The following ULK1 variants were observed in gnomAD, a reference collection of about 807,000 sequenced individuals.
ULK1 encodes the protein unc-51 like autophagy activating kinase 1, also known as serine/threonine-protein kinase ULK1.
ULK1 carries 48 observed loss-of-function variants against 117.5 expected under a neutral mutation model. The ratio of observed to expected loss-of-function variants is 0.41; its 90% confidence interval spans 0.32 to 0.52. The LOEUF (loss-of-function observed/expected upper bound fraction) is 0.52, where lower values mean the gene tolerates loss of function less well. ULK1 is among the 20% of genes least tolerant of loss of function. ULK1 has a pLI of 0.29. For synonymous variants in ULK1, 790 were observed against 637.8 expected (o/e 1.24, Z -3.60); for missense variants, 1,387 against 1,473.4 (o/e 0.94, Z 0.96).
chr12:131,911,220 C>T (rs1889520202), intron 12 of ULK1, among the ~76,000 whole-genome samples: 1 of 152,184 alleles, frequency 6.6e-6, no homozygotes. Flanking sequence ...GCACCTGAGT[C>T]GGCCATGAAC....
intron 18 of ULK1, 43 bp downstream of exon 18, chr12:131,915,464 C>G: frequency 6.3e-7 from 1 of 1,596,908 alleles, no homozygotes; most frequent in Non-Finnish European, 8.5e-7. Context: ...AGGCTGACCT[C>G]CCTCGCTCAC....
Position 131,917,561 on chromosome 12 carries a change from G to C in ULK1, c.2326+7G>C. On this transcript the variant is annotated splice_region_variant and intron_variant, in intron 22 of 27. Transcript: ENST00000321867. ...CGCACCAGGATGTTCTCAGGTGAGG[G>C]CTGGCTAGGCTGAAGCCCTGTCCCT... The C allele has an allele frequency of 7.1e-7, 1 of 1,412,296 alleles. No individual in the cohort carries two copies. 87.5% of individuals were successfully genotyped at this position (1,412,296 alleles called of 1,614,324 possible).
chr12:131,911,915 C>T, intron 12 of ULK1, 27 bp from the exon 13 acceptor site: 1 of 1,612,768 alleles, frequency 6.2e-7, no homozygotes, highest in Non-Finnish European at 8.5e-7. Flanking sequence ...CTGAGACCTG[C>T]TCACCAGCCC....
intron 15 of ULK1, 43 bp downstream of exon 15, chr12:131,913,879 C>G: frequency 7.0e-7 from 1 of 1,434,004 alleles, no homozygotes; most frequent in Non-Finnish European, 9.2e-7. Flanking sequence ...TGTGAACAGT[C>G]CCCCGGCTGG....
chr12:131,904,989 C>T (rs1476388114), intron 3 of ULK1, among the ~76,000 whole-genome samples: 1 of 152,128 alleles, frequency 6.6e-6, no homozygotes, highest in Non-Finnish European at 1.5e-5. Flanking sequence ...CTGGGCTCCC[C>T]ACGTGCTCTT....
chr12:131,919,741 C>T, intron 25 of ULK1, 151 bp downstream of exon 25: 2 of 1,074,604 alleles, frequency 1.9e-6, no homozygotes, highest in Non-Finnish European at 2.7e-6. Context: ...GTGCAGAGCA[C>T]AGAGGCCATT....
chr12:131,909,698 G>A, intron 8 of ULK1, 77 bp from the exon 9 acceptor site: 1 of 1,413,942 alleles, frequency 7.1e-7, no homozygotes, highest in Non-Finnish European at 9.4e-7. Flanking sequence ...GCCGACTGGG[G>A]ACGAACGCAC....
At position 131,921,464 on chromosome 12, in the gene ULK1, T is replaced by G. The variant is rs1593279442; in HGVS notation, c.*103T>G. 2 of 1,536,952 alleles carry G rather than the reference T, an allele frequency of 1.3e-6. No homozygotes were observed. Among genetic ancestry groups the G allele is most frequent in the Non-Finnish European group, 1.8e-6 (2 of 1,128,730 alleles). ...ACAAGCCCATGGCGCTGATCGCTGG[T>G]GCTGAGCCCTGCCCTGGGCCCCACG... On this transcript the variant is annotated 3_prime_UTR_variant, in exon 28 of 28. Transcript: ENST00000321867.
At position 131,917,471 on chromosome 12, in the gene ULK1, G is replaced by GC; in HGVS notation, c.2246dup (p.Ser750PhefsTer52). 6.6e-7 allele frequency: 1 copy of GC among 1,524,930 alleles called. No homozygotes were observed. Among genetic ancestry groups the GC allele is most frequent in the Non-Finnish European group, 8.8e-7 (1 of 1,137,032 alleles). The allele number at this position is 1,524,930 out of a possible 1,614,324, so 94.5% of individuals were successfully genotyped here. On this transcript the variant is annotated frameshift_variant, in exon 22 of 28. Transcript: ENST00000321867. LOFTEE classifies it high-confidence loss of function. ...GGAGCCCGTGCTGGGGGCACCAGCA[G>GC]CCCTTCCCCGGTGGTCTTCACCGTG...
chr12:131,913,091 C>A, intron 13 of ULK1, 107 bp from the exon 14 acceptor site: 2 of 1,085,876 alleles, frequency 1.8e-6, no homozygotes. Context: ...AGCTGAGGCC[C>A]CTGCAAGGTG....
At chr12:131,906,751 T>C in intron 3 of ULK1, 141 bp from the exon 4 acceptor site, 1 of 1,001,868 alleles carries the variant, frequency 1.0e-6, no homozygotes, top group Non-Finnish European at 1.5e-6. Context: ...CCCAGAGATG[T>C]CCTCGTCTCC....
At chr12:131,915,598 C>T (rs189870035) in intron 18 of ULK1, among the ~76,000 whole-genome samples, 177 bp downstream of exon 18, 127 of 152,322 alleles carry the variant, frequency 8.3e-4, no homozygotes, top group Middle Eastern at 3.4e-3. Context: ...AGTTTCTTAT[C>T]CCCTCTGTGC....
Position 131,910,816 on chromosome 12 carries a change from A to C in ULK1, c.948+16A>C. 9.3e-6 allele frequency: 15 copies of C among 1,611,804 alleles called. No homozygotes were observed. Among genetic ancestry groups the C allele is most frequent in the Non-Finnish European group, 1.3e-5 (15 of 1,179,530 alleles). On this transcript the variant is annotated intron_variant, in intron 12 of 27. Transcript: ENST00000321867. ...CTCCCCGCCGGTGAGTTGCCGCCCCAGGGGCTTGGCAGCTTCTCCCTCCAC... is the reference window on the plus strand; with the variant it reads ...CTCCCCGCCGGTGAGTTGCCGCCCCCGGGGCTTGGCAGCTTCTCCCTCCAC...
chr12:131,911,894 T>C (rs1233085679), intron 12 of ULK1, 48 bp from the exon 13 acceptor site: 1 of 1,611,910 alleles, frequency 6.2e-7, no homozygotes, highest in Non-Finnish European at 8.5e-7. Flanking sequence ...CTCCCCTGAG[T>C]GTGTAGGTCC....
At chr12:131,900,286 C>T (rs7953348) in intron 3 of ULK1, among the ~76,000 whole-genome samples, 96,600 of 152,114 alleles carry the variant, frequency 0.64, 34,552 homozygotes, top group Non-Finnish European at 0.82. Flanking sequence ...ACAGGTATTC[C>T]CCGCCATGTT....
intron 21 of ULK1, among the ~76,000 whole-genome samples, 157 bp downstream of exon 21, chr12:131,917,219 CGA>C (rs1889868132): frequency 7.4e-4 from 4 of 5,396 alleles, no homozygotes; most frequent in Admixed American, 3.0e-3. Flanking sequence ...GGATGGGGCT[CGA>C]GGCTGTGGGA....
intron 16 of ULK1, among the ~76,000 whole-genome samples, chr12:131,914,730 G>T (rs1225584497): frequency 2.0e-5 from 3 of 152,260 alleles, no homozygotes; most frequent in Non-Finnish European, 4.4e-5. Flanking sequence ...ACAGACAGAA[G>T]TAAATGGTGG....
intron 26 of ULK1, 147 bp from the exon 27 acceptor site, chr12:131,920,953 A>C: frequency 8.6e-7 from 1 of 1,156,270 alleles, no homozygotes; most frequent in Admixed American, 2.8e-5. Flanking sequence ...CCCTCTGCAC[A>C]GCAGGCTGCA....
rs568409480 is a variant in ULK1 at position 131,916,509 on chromosome 12, C to G, written c.1990C>G (p.Leu664Val). ...TPPRNRTLPDLSEVGPFHGQP... is the reference protein window; with the variant it reads ...TPPRNRTLPDVSEVGPFHGQP... ...CCCTCGAAACCGGACGCTGCCCGACCTCTCGGAGGTGGGACCCTTCCATGG... is the reference window on the plus strand; with the variant it reads ...CCCTCGAAACCGGACGCTGCCCGACGTCTCGGAGGTGGGACCCTTCCATGG... The change falls in exon 20 of 28, where the codon CTC becomes GTC. Residue 664 changes from leucine to valine, a missense_variant. Around this residue, in one of 4 missense-constraint regions of ULK1, gnomAD observed 900 missense variants for 858.9 expected, o/e 1.05. Coordinates refer to ENST00000321867, the MANE Select transcript of ULK1 (RefSeq NM_003565.4). 2 of 1,612,088 alleles carry G rather than the reference C, an allele frequency of 1.2e-6. No homozygotes were observed. Among genetic ancestry groups the G allele is most frequent in the Admixed American group, 3.3e-5 (2 of 59,994 alleles).
Sources: gnomAD v4.1 joint callset for allele counts (sites outside exome capture counted in the v4.1 genomes callset) on GRCh38, gnomAD v4.1.1 for gene constraint, gnomAD v4.1.1 regional missense constraint, MANE v1.5 for transcripts, NCBI Gene and HGNC (gene_info 2026-07-23, HGNC 2026-07-21) for gene names.